The following ITIH4 variants were observed in gnomAD, a reference collection of about 807,000 sequenced individuals.
ITIH4 encodes inter-alpha-trypsin inhibitor heavy chain 4.
ITIH4 carries 79 observed loss-of-function variants against 111.8 expected under a neutral mutation model. The observed-to-expected ratio is 0.71, with a 90% CI of 0.59 to 0.85. The LOEUF is 0.85. Among genes scored for constraint, ITIH4 ranks in the 40% least tolerant of loss-of-function variants. The pLI is 0.00. For missense variants in ITIH4, 1,065 were observed against 1,195.8 expected, an observed-to-expected ratio of 0.89 and a Z score of 1.61; for synonymous variants, 472 against 468.3, an observed-to-expected ratio of 1.01 and a Z score of -0.10.
intron 21 of ITIH4, among the ~76,000 whole-genome samples, chr3:52,815,347 G>A (rs762823109): frequency 5.3e-5 from 8 of 150,662 alleles, no homozygotes; most frequent in Non-Finnish European, 7.4e-5. Context: ...GGGTTCAAGC[G>A]GTTCTCCTAC....
chr3:52,823,394 A>G (rs1204646382), intron 11 of ITIH4, 162 bp downstream of exon 11: 37 of 626,928 alleles, frequency 5.9e-5, no homozygotes, highest in South Asian at 4.5e-4. Flanking sequence ...TCTCATGAGA[A>G]TCACTCCATT....
At chr3:52,819,591 A>C in intron 16 of ITIH4, 73 bp from the exon 17 acceptor site, 1 of 1,604,552 alleles carries the variant, frequency 6.2e-7, no homozygotes, top group Non-Finnish European at 8.5e-7. Flanking sequence ...CTTGAGATCC[A>C]CCCAGGAGTG....
At chr3:52,821,228 G>A in intron 11 of ITIH4, 98 bp from the exon 12 acceptor site, 1 of 1,432,268 alleles carries the variant, frequency 7.0e-7, no homozygotes, top group Non-Finnish European at 9.5e-7. Flanking sequence ...GCTGGGGCAG[G>A]TCCCACACAC....
chr3:52,815,768 C>A (rs1700270615), intron 21 of ITIH4, among the ~76,000 whole-genome samples: 1 of 152,018 alleles, frequency 6.6e-6, no homozygotes, highest in South Asian at 2.1e-4. Flanking sequence ...ACTCAGCTCA[C>A]TGCAACCTCC....
chr3:52,826,046 GAACAGCA>G, intron 5 of ITIH4, 32 bp from the exon 6 acceptor site: 2 of 1,613,098 alleles, frequency 1.2e-6, no homozygotes, highest in Non-Finnish European at 1.7e-6. Context: ...AAGTTGGGAG[GAACAGCA>G]AAGCCAGGCC....
chr3:52,825,170 A>T, intron 6 of ITIH4: 1 of 382,798 alleles, frequency 2.6e-6, no homozygotes, highest in Non-Finnish European at 4.6e-6. Flanking sequence ...GCCCACCAGA[A>T]CTCTCCCTGC....
Position 52,824,158 on chromosome 3 carries a change from G to A in ITIH4, c.1171+32C>T. 6.2e-7 allele frequency: 1 copy of A among 1,609,272 alleles called. No homozygotes were observed. The highest frequency in any genetic ancestry group is 8.5e-7 in the Non-Finnish European group (1 of 1,177,094). ...CAGCCCCAGCCGCCTCCCCTGTGCA[G>A]CACGTCCTGGAGTCACGGGCAGGGC... On this transcript the variant is annotated intron_variant, in intron 9 of 23. Coordinates refer to ENST00000266041, the MANE Select transcript of ITIH4 (RefSeq NM_002218.5). This position sits in a 1 kb window ranked among gnomAD's most constrained non-coding sequence, Gnocchi z 4.3.
At chr3:52,825,058 C>T (rs1164818963) in intron 6 of ITIH4, 100 bp from the exon 7 acceptor site, 8 of 747,708 alleles carry the variant, frequency 1.1e-5, no homozygotes, top group South Asian at 7.8e-5. Flanking sequence ...GTGCTCTGTT[C>T]CAATCCCATT....
At chr3:52,819,372 C>A in intron 17 of ITIH4, 21 bp downstream of exon 17, 3 of 1,613,652 alleles carry the variant, frequency 1.9e-6, no homozygotes, top group South Asian at 2.2e-5. Context: ...GAGGCCCTCG[C>A]AGGGCCGGAA....
Position 52,817,709 on chromosome 3 carries a change from T to G in ITIH4, c.2296+343A>C, listed in dbSNP as rs565363155. Among the ~76,000 whole-genome samples the G allele has an allele frequency of 3.7e-4, 57 of 152,358 alleles. 1 individual carries two copies. Among genetic ancestry groups the G allele is most frequent in the Admixed American group, 3.1e-3 (47 of 15,314 alleles). On this transcript the variant is annotated intron_variant, in intron 20 of 23. Transcript: ENST00000266041. ...TCCTCCATCATCTGGAACATCCTCA[T>G]GCTGGTCTCTGTGCACCCGCCATGG...
At position 52,818,071 on chromosome 3, in the gene ITIH4, C is replaced by T. The variant is rs369930413; in HGVS notation, c.2277G>A (p.Leu759=). 43 of 1,613,394 alleles carry T rather than the reference C, an allele frequency of 2.7e-5. No homozygotes were observed. The African/African-American group carries it at 5.2e-4, about 19-fold the overall frequency. The part of the protein sequence containing the change: ...DPRHRQGPVN[L]LSDPEQGVEV... ...TCTCACCTTGCTCAGGGTCTGAGAG[C>T]AGGTTCACTGGCCCCTGGCGGTGTC... is the stretch of plus-strand genomic sequence containing the variant. Residue 759 remains leucine (L), a synonymous_variant, in exon 20 of 24, where the codon CTG becomes CTA. Transcript: ENST00000266041.
In ITIH4 at chr3:52,827,212, GT is replaced by G. The variant is rs1291745425; in HGVS notation, c.252-16del. 1.2e-6 allele frequency: 2 copies of G among 1,604,790 alleles called. No homozygotes were observed. The highest frequency in any genetic ancestry group is 1.7e-6 in the Non-Finnish European group (2 of 1,171,626). On this transcript the variant is annotated splice_polypyrimidine_tract_variant and intron_variant, in intron 2 of 23. Coordinates refer to ENST00000266041, the MANE Select transcript of ITIH4 (RefSeq NM_002218.5). ...CATCGATGATCCTGGGGGCAGAAGG[GT>G]GGGAGTTGTTGAGAGCCTGGTGGCA...
rs760555653 is a variant in ITIH4 at position 52,818,042 on chromosome 3, C to T, written c.2296+10G>A. On this transcript the variant is annotated intron_variant, in intron 20 of 23. Transcript: ENST00000266041. ...TGGTGTCTGGGTCTCTCTGGGTGTG[C>T]CTCTCTCACCTTGCTCAGGGTCTGA... is the stretch of plus-strand genomic sequence containing the variant. The T allele has an allele frequency of 6.9e-6, 11 of 1,600,076 alleles. No homozygotes were observed. The highest frequency in any genetic ancestry group is 1.3e-5 in the African/African-American group (1 of 74,538).
chr3:52,826,993 G>A, intron 3 of ITIH4, 40 bp from the exon 4 acceptor site: 3 of 1,613,700 alleles, frequency 1.9e-6, no homozygotes, highest in African/African-American at 1.3e-5. Flanking sequence ...TCCAGGACAG[G>A]TGGGGTAAGG....
chr3:52,824,290 C>T lies in ITIH4; in HGVS notation c.1071G>A (p.Leu357=). 6 of 1,613,760 alleles carry T rather than the reference C, an allele frequency of 3.7e-6. No homozygotes were observed. Among genetic ancestry groups the T allele is most frequent in the Non-Finnish European group, 5.1e-6 (6 of 1,179,988 alleles). The part of the protein sequence containing the change: ...LGGTNINDAM[L]MAVQLLDSSN... ...TGCTGTCCAGCAACTGCACAGCCAT[C>T]AGCATTGCATCATTGATGTTGGTCC... is the stretch of plus-strand genomic sequence containing the variant. Residue 357 remains leucine, a synonymous_variant, in exon 9 of 24, where the codon CTG becomes CTA. Transcript: ENST00000266041. The surrounding 1 kb of genome is among the most constrained non-coding windows in gnomAD (Gnocchi z 4.3).
intron 2 of ITIH4, among the ~76,000 whole-genome samples, chr3:52,827,722 C>G (rs577933825): frequency 6.6e-6 from 1 of 152,218 alleles, no homozygotes; most frequent in Non-Finnish European, 1.5e-5. Context: ...CGCTCCCTCC[C>G]ACAAGAGGCA....
intron 23 of ITIH4, 93 bp from the exon 24 acceptor site, chr3:52,813,583 G>A (rs925268815): frequency 4.3e-6 from 5 of 1,149,848 alleles, no homozygotes; most frequent in African/African-American, 3.0e-5. Flanking sequence ...GAACATGGAG[G>A]GCAGGGAGTC....
At chr3:52,820,387 T>A in intron 13 of ITIH4, 70 bp from the exon 14 acceptor site, 1 of 1,537,558 alleles carries the variant, frequency 6.5e-7, no homozygotes, top group Non-Finnish European at 8.9e-7. Flanking sequence ...AGGGTGGTTT[T>A]CATCAATTTG....
At chr3:52,820,951 C>T in intron 12 of ITIH4, 40 bp downstream of exon 12, 1 of 1,602,420 alleles carries the variant, frequency 6.2e-7, no homozygotes. Flanking sequence ...CCTGTGCCTG[C>T]CCCCTAGCGA....
Sources: gnomAD v4.1 joint callset for allele counts (sites outside exome capture counted in the v4.1 genomes callset) on GRCh38, gnomAD v4.1.1 for gene constraint, Gnocchi (gnomAD v3.1) non-coding constraint, MANE v1.5 for transcripts, NCBI Gene and HGNC (gene_info 2026-07-23, HGNC 2026-07-21) for gene names.